Variants in CDKAL1 observed in about 807,000 individuals in gnomAD.
The protein encoded by CDKAL1 is CDKAL1 threonylcarbamoyladenosine tRNA methylthiotransferase.
CDKAL1 carries 32 observed loss-of-function variants against 68.2 expected under a neutral mutation model. The observed-to-expected ratio is 0.47, with a 90% CI of 0.35 to 0.63. CDKAL1 has a LOEUF of 0.63. Among genes scored for constraint, CDKAL1 ranks in the 30% least tolerant of loss-of-function variants. CDKAL1 has a pLI of 0.00. For synonymous variants in CDKAL1, 234 were observed against 244.3 expected, an observed-to-expected ratio of 0.96 and a Z score of 0.39; for missense variants, 606 against 696.7, an observed-to-expected ratio of 0.87 and a Z score of 1.47.
intron 11 of CDKAL1, 41 bp from the exon 12 acceptor site, chr6:21,065,007 T>TTATA (rs750404083): frequency 1.5e-4 from 183 of 1,239,640 alleles, no homozygotes; most frequent in South Asian, 9.9e-4. Context: ...TAATTATGGC[T>TTATA]TATAGTCAAG....
chr6:20,825,821 T>A (rs1201548389), intron 8 of CDKAL1, among the ~76,000 whole-genome samples: 1 of 152,160 alleles, frequency 6.6e-6, no homozygotes, highest in Non-Finnish European at 1.5e-5. Flanking sequence ...TGCCAGATTC[T>A]AAATATGGGT....
chr6:21,212,981 A>G (rs1175446589), intron 15 of CDKAL1, among the ~76,000 whole-genome samples: 1 of 152,218 alleles, frequency 6.6e-6, no homozygotes, highest in African/African-American at 2.4e-5. Context: ...TTCAAAAGGC[A>G]ATAAAGGCAA....
chr6:20,801,299 G>A (rs909617202), intron 8 of CDKAL1, among the ~76,000 whole-genome samples: 1 of 152,090 alleles, frequency 6.6e-6, no homozygotes, highest in African/African-American at 2.4e-5. Context: ...TGCTAACGAG[G>A]CTCTGCAGAT....
intron 9 of CDKAL1, among the ~76,000 whole-genome samples, chr6:20,866,722 G>A (rs991712540): frequency 2.6e-5 from 4 of 151,960 alleles, no homozygotes; most frequent in Admixed American, 1.3e-4. Flanking sequence ...GTTATTTTAC[G>A]GGGTTCCTGA....
chr6:20,751,945 G>A (rs1773939638), intron 6 of CDKAL1, among the ~76,000 whole-genome samples: 1 of 152,004 alleles, frequency 6.6e-6, no homozygotes, highest in African/African-American at 2.4e-5. Context: ...CCCAGAATGA[G>A]TTCAATATAT....
chr6:21,107,424 CTTTTG>C (rs1181106213), intron 12 of CDKAL1, among the ~76,000 whole-genome samples: 2 of 151,708 alleles, frequency 1.3e-5, no homozygotes, highest in African/African-American at 4.8e-5. Context: ...TTCTTTCTTT[CTTTTG>C]TTTTGTTTTG....
At chr6:20,718,501 G>C (rs1772196169) in intron 5 of CDKAL1, among the ~76,000 whole-genome samples, 1 of 152,132 alleles carries the variant, frequency 6.6e-6, no homozygotes, top group African/African-American at 2.4e-5. Flanking sequence ...TTAGGGTTTT[G>C]ATATATGGAG....
At position 21,069,018 on chromosome 6, in the gene CDKAL1, ATATT is replaced by A. The variant is rs779604462; in HGVS notation, c.1236+3796_1236+3799del. ...ACTTAGAAATAAAGTTGATTAAAAT[ATATT>A]TATTTTGCCCAACTAATTCACTTAT... On this transcript the variant is annotated intron_variant, in intron 12 of 15. Coordinates refer to ENST00000274695, the MANE Select transcript of CDKAL1 (RefSeq NM_017774.3). Among the ~76,000 whole-genome samples, 3 of 152,182 alleles carry A rather than the reference ATATT, an allele frequency of 2.0e-5. No homozygotes were observed. The East Asian group carries it at 5.8e-4, about 29-fold the overall frequency.
intron 15 of CDKAL1, among the ~76,000 whole-genome samples, chr6:21,213,222 C>T (rs1378672673): frequency 6.6e-6 from 1 of 152,026 alleles, no homozygotes; most frequent in African/African-American, 2.4e-5. Context: ...GAATAGAGTC[C>T]ATTTGATAGG....
intron 8 of CDKAL1, among the ~76,000 whole-genome samples, chr6:20,798,057 C>G (rs1275120745): frequency 6.6e-6 from 1 of 151,986 alleles, no homozygotes; most frequent in African/African-American, 2.4e-5. Flanking sequence ...CTCAAGTGAT[C>G]TTCCCACCTC....
At chr6:21,209,209 C>T (rs1003777083) in intron 15 of CDKAL1, among the ~76,000 whole-genome samples, 3 of 151,274 alleles carry the variant, frequency 2.0e-5, no homozygotes, top group Non-Finnish European at 4.4e-5. Flanking sequence ...TACAGCTGTA[C>T]ACACCCACAT....
At chr6:20,829,522 T>C (rs1777627192) in intron 8 of CDKAL1, among the ~76,000 whole-genome samples, 1 of 152,200 alleles carries the variant, frequency 6.6e-6, no homozygotes, top group African/African-American at 2.4e-5. Flanking sequence ...CTTGGGTAGA[T>C]GCAATGCAAG....
chr6:21,179,205 C>G (rs1300291499), intron 13 of CDKAL1, among the ~76,000 whole-genome samples: 2 of 152,152 alleles, frequency 1.3e-5, no homozygotes, highest in African/African-American at 4.8e-5. Flanking sequence ...TCAAAGAGAG[C>G]AGAGAGTGTG....
At chr6:20,963,716 A>G (rs1765166378) in intron 10 of CDKAL1, among the ~76,000 whole-genome samples, 1 of 152,204 alleles carries the variant, frequency 6.6e-6, no homozygotes, top group Admixed American at 6.5e-5. Flanking sequence ...CCTGAGGAAC[A>G]CAAGAACATG....
chr6:20,658,540 A>G, intron 5 of CDKAL1, among the ~76,000 whole-genome samples: 1 of 150,260 alleles, frequency 6.7e-6, no homozygotes, highest in African/African-American at 2.5e-5. Flanking sequence ...AAATTATTGG[A>G]TTGTTATTCC....
At chr6:21,194,986 G>T (rs1443222583) in intron 13 of CDKAL1, among the ~76,000 whole-genome samples, 3 of 152,124 alleles carry the variant, frequency 2.0e-5, no homozygotes, top group Admixed American at 6.5e-5. Flanking sequence ...CTGTTGCCCA[G>T]ACTGGAGTGC....
chr6:21,195,571 A>G (rs1778438912), intron 13 of CDKAL1, among the ~76,000 whole-genome samples: 2 of 151,262 alleles, frequency 1.3e-5, no homozygotes, highest in African/African-American at 4.9e-5. Flanking sequence ...AATGCAGTAG[A>G]ATGATCACAA....
At chr6:20,574,287 C>T (rs983448712) in intron 4 of CDKAL1, among the ~76,000 whole-genome samples, 2 of 151,876 alleles carry the variant, frequency 1.3e-5, no homozygotes, top group Non-Finnish European at 2.9e-5. Context: ...AATTTGCTTC[C>T]TTTTATAATT....
At position 21,067,040 on chromosome 6, in the gene CDKAL1, ACTT is replaced by A. The variant is rs1771490192; in HGVS notation, c.1236+1819_1236+1821del. Among the ~76,000 whole-genome samples, 3 of 152,114 alleles carry A rather than the reference ACTT, an allele frequency of 2.0e-5. No homozygotes were observed. In the South Asian group the frequency reaches 6.2e-4, roughly 32 times the overall value. On this transcript the variant is annotated intron_variant, in intron 12 of 15. Transcript: ENST00000274695. The stretch of plus-strand genomic sequence containing the variant: ...TCAATCTATTCTTTTTTTAAACTTT[ACTT>A]CTTCTTTGCTAAAAAAGCTTTTGTA...
Sources: gnomAD v4.1 joint callset for allele counts (sites outside exome capture counted in the v4.1 genomes callset) on GRCh38, gnomAD v4.1.1 for gene constraint, MANE v1.5 for transcripts, NCBI Gene and HGNC (gene_info 2026-07-23, HGNC 2026-07-21) for gene names.